The following ACSM2B variants were observed in gnomAD, a reference collection of about 807,000 sequenced individuals.
ACSM2B encodes the protein acyl-CoA synthetase medium chain family member 2B.
ACSM2B carries 58 observed loss-of-function variants against 78.6 expected under a neutral mutation model. The ratio of observed to expected loss-of-function variants is 0.74; its 90% CI spans 0.60 to 0.92. The LOEUF is 0.92. ACSM2B is among the 40% of genes least tolerant of loss of function. The pLI, the probability that ACSM2B is intolerant of heterozygous loss-of-function variation, is 0.00. For missense variants in ACSM2B, 688 were observed against 711.2 expected (o/e 0.97, Z 0.37); for synonymous variants, 257 against 256.8 (o/e 1.00, Z -0.01).
Position 20,537,192 on chromosome 16 carries a change from C to T in ACSM2B, c.*66G>A. On this transcript the variant is annotated 3_prime_UTR_variant, in exon 14 of 14. Transcript: ENST00000329697. ...AGAATCTCATATCATCATAGTAAGG[C>T]CAAGGGCCCAAAGGGAAAAGAAAGA... is the stretch of plus-strand genomic sequence containing the variant. The T allele has an allele frequency of 6.3e-7, 1 of 1,581,694 alleles. No homozygotes were observed. Among genetic ancestry groups the T allele is most frequent in the Non-Finnish European group, 8.7e-7 (1 of 1,152,964 alleles).
intron 1 of ACSM2B, among the ~76,000 whole-genome samples, chr16:20,567,395 T>C (rs1295893916): frequency 8.4e-6 from 1 of 118,854 alleles, no homozygotes; most frequent in Non-Finnish European, 1.6e-5. Context: ...ATATTACATA[T>C]ACAATATATT....
chr16:20,555,007 A>T (rs1162035476), intron 4 of ACSM2B, among the ~76,000 whole-genome samples: 1 of 152,186 alleles, frequency 6.6e-6, no homozygotes, highest in Non-Finnish European at 1.5e-5. Context: ...CTAATGATTC[A>T]GTGCTTTTCA....
At chr16:20,547,888 C>T (rs2152134952) in intron 8 of ACSM2B, 174 bp downstream of exon 8, 2 of 1,427,414 alleles carry the variant, frequency 1.4e-6, no homozygotes, top group Non-Finnish European at 1.9e-6. Context: ...AGGAACTTTG[C>T]CTTTTTTGTT....
chr16:20,546,287 A>T, intron 9 of ACSM2B, 107 bp downstream of exon 9: 1 of 1,457,418 alleles, frequency 6.9e-7, no homozygotes, highest in Non-Finnish European at 9.1e-7. Flanking sequence ...TATTATCTTA[A>T]TATCAGTACT....
At chr16:20,562,589 T>C (rs536345428) in intron 2 of ACSM2B, among the ~76,000 whole-genome samples, 3 of 152,292 alleles carry the variant, frequency 2.0e-5, no homozygotes, top group South Asian at 4.1e-4. Context: ...CAACAGTCTC[T>C]TCCTGAAACC....
chr16:20,545,389 A>G (rs796625407), intron 9 of ACSM2B, 131 bp from the exon 10 acceptor site: 48 of 1,041,184 alleles, frequency 4.6e-5, no homozygotes, highest in Non-Finnish European at 6.1e-5. Flanking sequence ...ACAACCAAAA[A>G]CCAAGGGAAC....
At chr16:20,557,737 T>A (rs765557207) in intron 3 of ACSM2B, among the ~76,000 whole-genome samples, 4 of 152,350 alleles carry the variant, frequency 2.6e-5, no homozygotes, top group Non-Finnish European at 5.9e-5. Flanking sequence ...TACTTTCTTT[T>A]ATGGCCTGGA....
chr16:20,538,810 T>A (rs1453449708), intron 13 of ACSM2B, among the ~76,000 whole-genome samples: 1 of 152,108 alleles, frequency 6.6e-6, no homozygotes, highest in Non-Finnish European at 1.5e-5. Context: ...TGGAGGTGAA[T>A]GTTGAACCCG....
chr16:20,551,998 C>T, intron 6 of ACSM2B, 146 bp downstream of exon 6: 2 of 1,373,660 alleles, frequency 1.5e-6, no homozygotes, highest in African/African-American at 1.5e-5. Context: ...GGTCAGGGAC[C>T]ATTTCCATCT....
intron 1 of ACSM2B, 75 bp from the exon 2 acceptor site, chr16:20,564,928 G>C: frequency 6.6e-7 from 1 of 1,517,664 alleles, no homozygotes; most frequent in South Asian, 1.3e-5. Flanking sequence ...GGCTTCAGGA[G>C]ATTCATCCCA....
rs143459487 is a variant in ACSM2B at position 20,548,076 on chromosome 16, C to G, written c.1084G>C (p.Gly362Arg). The G allele has an allele frequency of 7.6e-4, 1,219 of 1,613,892 alleles. No homozygotes were observed. The highest frequency in any genetic ancestry group is 9.6e-4 in the Non-Finnish European group (1,128 of 1,179,912). The change falls in exon 8 of 14, where the codon GGC (glycine) becomes CGC (arginine). Residue 362 changes from glycine to arginine, a missense_variant. Gly to Arg is a moderately radical substitution (Grantham distance 125). Coordinates refer to ENST00000329697, the MANE Select transcript of ACSM2B (RefSeq NM_001105069.2). Reference protein sequence around the residue: ...QTGLDIREFYGQTETGLTCMV... With the variant: ...QTGLDIREFYRQTETGLTCMV... ...GGAACAGGTACCGTTTCTGTCTGGC[C>G]ATAGAATTCTCGGATGTCCAGTCCT...
At chr16:20,573,057 C>T (rs1451233683) in intron 1 of ACSM2B, among the ~76,000 whole-genome samples, 4 of 148,876 alleles carry the variant, frequency 2.7e-5, no homozygotes, top group Non-Finnish European at 5.9e-5. Context: ...TGAATACTTT[C>T]TCAGGTAAAT....
intron 6 of ACSM2B, among the ~76,000 whole-genome samples, chr16:20,550,287 A>G (rs1321867893): frequency 6.6e-6 from 1 of 152,184 alleles, no homozygotes; most frequent in African/African-American, 2.4e-5. Context: ...AGTATCATGC[A>G]ATAATTTCCT....
At chr16:20,555,061 A>G (rs1365292760) in intron 4 of ACSM2B, among the ~76,000 whole-genome samples, 1 of 152,102 alleles carries the variant, frequency 6.6e-6, no homozygotes, top group Non-Finnish European at 1.5e-5. Flanking sequence ...TGTGCTGCTC[A>G]GAAGGTCCAG....
intron 8 of ACSM2B, 121 bp from the exon 9 acceptor site, chr16:20,546,595 T>A (rs2015149694): frequency 7.1e-7 from 1 of 1,402,008 alleles, no homozygotes; most frequent in Non-Finnish European, 9.4e-7. Context: ...ACTTGGTGGC[T>A]CCCCCTGCTC....
At chr16:20,548,726 T>C (rs1289289050) in intron 6 of ACSM2B, among the ~76,000 whole-genome samples, 2 of 152,130 alleles carry the variant, frequency 1.3e-5, no homozygotes, top group Admixed American at 1.3e-4. Context: ...TTTTGTCAAA[T>C]CCTGGATGTC....
intron 3 of ACSM2B, among the ~76,000 whole-genome samples, chr16:20,558,105 G>A (rs1034531219): frequency 2.6e-5 from 4 of 152,154 alleles, no homozygotes; most frequent in Non-Finnish European, 5.9e-5. Flanking sequence ...CACAAGATTT[G>A]TAACCTCCCC....
Position 20,544,096 on chromosome 16 carries a change from T to C in ACSM2B, c.1282-834A>G, listed in dbSNP as rs113284521. ...GACGCTTCTGAGTCTGTTTCCTTTT[T>C]TATCAAATGGGGAGAAGCCCATGAC... On this transcript the variant is annotated intron_variant, in intron 10 of 13. Transcript: ENST00000329697. 7.2e-5 allele frequency among the ~76,000 whole-genome samples: 11 copies of C among 152,300 alleles called. No homozygotes were observed. In the East Asian group the frequency reaches 9.6e-4, roughly 13 times the overall value.
intron 4 of ACSM2B, chr16:20,554,192 G>C: frequency 1.7e-6 from 1 of 603,680 alleles, no homozygotes; most frequent in Non-Finnish European, 3.1e-6. Flanking sequence ...AAAAAAGTGA[G>C]ATCAAGTCTT....
Sources: gnomAD v4.1 joint callset for allele counts (sites outside exome capture counted in the v4.1 genomes callset) on GRCh38, gnomAD v4.1.1 for gene constraint, MANE v1.5 for transcripts, NCBI Gene and HGNC (gene_info 2026-07-23, HGNC 2026-07-21) for gene names.